The following GRM5 variants were observed in gnomAD, a reference collection of about 807,000 sequenced individuals.
GRM5 encodes metabotropic glutamate receptor 5.
Under a neutral mutation model 83.1 loss-of-function variants are expected in GRM5, and 19 were observed. That is an observed-to-expected ratio of 0.23 (90% CI 0.16 to 0.34). The LOEUF is 0.34. Among genes scored for constraint, GRM5 ranks in the 10% least tolerant of loss-of-function variants. The pLI, the probability that GRM5 is intolerant of heterozygous loss-of-function variation, is 1.00. For synonymous variants in GRM5, 675 were observed against 633.6 expected (o/e 1.07, Z -0.98); for missense variants, 1,160 against 1,588.3 (o/e 0.73, Z 4.58).
intron 2 of GRM5, among the ~76,000 whole-genome samples, chr11:89,000,463 T>C (rs1342335638): frequency 6.6e-6 from 1 of 152,134 alleles, no homozygotes; most frequent in East Asian, 1.9e-4. Flanking sequence ...ATTCAATTCA[T>C]AGCCTTTTTA....
intron 7 of GRM5, among the ~76,000 whole-genome samples, chr11:88,586,490 G>GT (rs974979661): frequency 2.6e-5 from 4 of 152,158 alleles, no homozygotes; most frequent in African/African-American, 9.7e-5. Context: ...TGACCCAAAG[G>GT]TAACTTGAGC....
At chr11:88,803,872 G>C (rs1005212784) in intron 3 of GRM5, among the ~76,000 whole-genome samples, 4 of 152,132 alleles carry the variant, frequency 2.6e-5, no homozygotes, top group Non-Finnish European at 5.9e-5. Flanking sequence ...AAAAGTGGGC[G>C]AAGGACATGA....
chr11:89,055,387 C>A (rs1364274947), intron 1 of GRM5, among the ~76,000 whole-genome samples: 1 of 152,178 alleles, frequency 6.6e-6, no homozygotes, highest in South Asian at 2.1e-4. Flanking sequence ...TTACCATATC[C>A]CTCACCTGGC....
chr11:88,875,516 C>G (rs769962655), intron 2 of GRM5, among the ~76,000 whole-genome samples: 3 of 152,004 alleles, frequency 2.0e-5, no homozygotes, highest in South Asian at 2.1e-4. Context: ...TTCTGACCCA[C>G]TCCCATGAAT....
intron 2 of GRM5, among the ~76,000 whole-genome samples, chr11:89,037,941 T>A (rs1481224110): frequency 6.6e-6 from 1 of 152,168 alleles, no homozygotes; most frequent in African/African-American, 2.4e-5. Flanking sequence ...TATTTATGGC[T>A]ATGTGTAACT....
At chr11:88,514,207 C>T (rs1941463166) in intron 9 of GRM5, among the ~76,000 whole-genome samples, 1 of 152,090 alleles carries the variant, frequency 6.6e-6, no homozygotes, top group Non-Finnish European at 1.5e-5. Context: ...CTAATGTTCT[C>T]TCTGTTATAA....
At chr11:89,056,126 G>A (rs140402000) in intron 1 of GRM5, among the ~76,000 whole-genome samples, 2,787 of 152,226 alleles carry the variant, frequency 0.018, 83 homozygotes, top group African/African-American at 0.062. Context: ...AAACAATGTT[G>A]CATTTTGCTT....
intron 4 of GRM5, among the ~76,000 whole-genome samples, chr11:88,617,714 A>G (rs2135251690): frequency 6.6e-6 from 1 of 152,312 alleles, no homozygotes; most frequent in South Asian, 2.1e-4. Flanking sequence ...AAGGAACTGT[A>G]TCCCAACAGT....
intron 4 of GRM5, among the ~76,000 whole-genome samples, chr11:88,638,206 G>A (rs61902043): frequency 0.18 from 26,929 of 149,492 alleles, 2,767 homozygotes; most frequent in Middle Eastern, 0.25. Flanking sequence ...CCTAATGCTA[G>A]ATGACGAGTT....
chr11:88,698,362 G>C (rs747933366), intron 3 of GRM5, among the ~76,000 whole-genome samples: 1 of 152,206 alleles, frequency 6.6e-6, no homozygotes, highest in African/African-American at 2.4e-5. Flanking sequence ...AGCATGTATT[G>C]TTTCCTCTGC....
chr11:88,751,477 A>G (rs11021173), intron 3 of GRM5, among the ~76,000 whole-genome samples: 101,498 of 151,646 alleles, frequency 0.67, 34,697 homozygotes, highest in Non-Finnish European at 0.73. Context: ...CCTACCAACC[A>G]ACAAAAGCTC....
intron 8 of GRM5, among the ~76,000 whole-genome samples, chr11:88,551,409 A>T (rs1942503760): frequency 1.3e-5 from 2 of 152,110 alleles, no homozygotes; most frequent in African/African-American, 4.8e-5. Flanking sequence ...GCAGACCTCA[A>T]CCTCTTCATA....
chr11:88,890,306 G>C (rs1032075486), intron 2 of GRM5, among the ~76,000 whole-genome samples: 2 of 152,082 alleles, frequency 1.3e-5, no homozygotes, highest in African/African-American at 4.8e-5. Flanking sequence ...TTAGGGATCT[G>C]CCTTTGCCTT....
chr11:89,008,792 A>C (rs555257482), intron 2 of GRM5, among the ~76,000 whole-genome samples: 1 of 152,298 alleles, frequency 6.6e-6, no homozygotes, highest in African/African-American at 2.4e-5. Context: ...ACCATCCATA[A>C]GTAATGATTT....
At chr11:88,946,947 T>C (rs191671484) in intron 2 of GRM5, among the ~76,000 whole-genome samples, 1,622 of 152,240 alleles carry the variant, frequency 0.011, 24 homozygotes, top group African/African-American at 0.037. Flanking sequence ...TTTTGTGCTT[T>C]AATCAATGAG....
chr11:88,912,199 C>T (rs1280164233), intron 2 of GRM5: 10 of 200,022 alleles, frequency 5.0e-5, no homozygotes, highest in Non-Finnish European at 9.2e-5. Context: ...ATAGGTATTC[C>T]GCATCAAGAT....
intron 4 of GRM5, among the ~76,000 whole-genome samples, chr11:88,642,606 T>C (rs1339645779): frequency 1.4e-4 from 21 of 152,188 alleles, no homozygotes; most frequent in Admixed American, 1.4e-3. Context: ...TGCTCCCACA[T>C]CTGAGCACAG....
In GRM5 at chr11:88,687,579, A is replaced by ATATATATTATAT; in HGVS notation, c.912-34177_912-34176insATATAATATATA. Among the ~76,000 whole-genome samples the ATATATATTATAT allele has an allele frequency of 1.5e-3, 70 of 46,842 alleles. 13 individuals are homozygous for ATATATATTATAT. The highest frequency in any genetic ancestry group is 1.5e-3 in the Admixed American group (4 of 2,700). The allele number at this position is 46,842 out of a possible 152,430, so 30.7% of individuals were successfully genotyped here. On this transcript the variant is annotated intron_variant, in intron 3 of 9. Transcript: ENST00000305447. ...ATATATATTATATATATATATATAT[A>ATATATATTATAT]ATATATATATATATATATTCTCCAC...
chr11:88,712,820 A>T (rs917048436), intron 3 of GRM5, among the ~76,000 whole-genome samples: 16 of 152,234 alleles, frequency 1.1e-4, no homozygotes, highest in African/African-American at 3.6e-4. Context: ...TTAGAATCAG[A>T]TGCAATTTTA....
Sources: gnomAD v4.1 joint callset for allele counts (sites outside exome capture counted in the v4.1 genomes callset) on GRCh38, gnomAD v4.1.1 for gene constraint, MANE v1.5 for transcripts, NCBI Gene and HGNC (gene_info 2026-07-23, HGNC 2026-07-21) for gene names.